The following OXSR1 variants were observed in gnomAD, a reference collection of about 807,000 sequenced individuals.
OXSR1 encodes the protein oxidative stress responsive kinase 1, also known as serine/threonine-protein kinase OSR1.
OXSR1 carries 24 observed loss-of-function variants against 79.8 expected under a neutral mutation model. The ratio of observed to expected loss-of-function variants is 0.30; its 90% CI spans 0.22 to 0.42. OXSR1 has a LOEUF of 0.42. OXSR1 is among the 10% of genes least tolerant of loss of function. The pLI is 1.00. For missense variants in OXSR1, 430 were observed against 618.4 expected (o/e 0.70, Z 3.23); for synonymous variants, 226 against 209.2 (o/e 1.08, Z -0.69).
At chr3:38,241,823 G>A (rs1225746564) in intron 11 of OXSR1, among the ~76,000 whole-genome samples, 3 of 148,764 alleles carry the variant, frequency 2.0e-5, no homozygotes, top group Non-Finnish European at 4.5e-5. Flanking sequence ...TTAAAAAAAA[G>A]GTTTTGGGTT....
chr3:38,213,446 G>A (rs1272306708), intron 4 of OXSR1, among the ~76,000 whole-genome samples: 1 of 152,076 alleles, frequency 6.6e-6, no homozygotes. Context: ...CAACCAAAAG[G>A]AGCCTAAGGA....
intron 10 of OXSR1, among the ~76,000 whole-genome samples, chr3:38,236,101 G>A (rs184376382): frequency 6.6e-6 from 1 of 152,316 alleles, no homozygotes; most frequent in African/African-American, 2.4e-5. Context: ...AGGGGAAATA[G>A]AAGTGGTAAT....
intron 2 of OXSR1, among the ~76,000 whole-genome samples, chr3:38,184,620 C>T (rs1163648969): frequency 6.6e-6 from 1 of 152,158 alleles, no homozygotes; most frequent in Non-Finnish European, 1.5e-5. Flanking sequence ...TTATTATTTA[C>T]TGCTTCATGA....
intron 1 of OXSR1, among the ~76,000 whole-genome samples, chr3:38,174,110 A>G (rs1190209509): frequency 6.6e-6 from 1 of 152,234 alleles, no homozygotes; most frequent in East Asian, 1.9e-4. Flanking sequence ...AGAGCAGAGT[A>G]AATCAGAAGG....
chr3:38,205,069 G>T (rs1488113929), intron 4 of OXSR1, among the ~76,000 whole-genome samples: 1 of 152,140 alleles, frequency 6.6e-6, no homozygotes, highest in Non-Finnish European at 1.5e-5. Context: ...CGTTCTGCCT[G>T]GTGTTGCGTT....
rs1436339250 is a variant in OXSR1 at position 38,254,386 on chromosome 3, C to G, written c.*1495C>G. 3.3e-5 allele frequency: 13 copies of G among 393,798 alleles called. No homozygotes were observed. Among genetic ancestry groups the G allele is most frequent in the Non-Finnish European group, 5.8e-5 (13 of 223,490 alleles). 24.4% of individuals were successfully genotyped at this position (393,798 alleles called of 1,614,324 possible). The stretch of plus-strand genomic sequence containing the variant: ...TAGTCATGGGCTTTCTTCACCTGCT[C>G]TAGGTGCAAAGGCATGTTGGGAAAG... On this transcript the variant is annotated 3_prime_UTR_variant, in exon 18 of 18. Transcript: ENST00000311806.
In OXSR1 at chr3:38,207,013, A is replaced by G. The variant is rs77306235; in HGVS notation, c.434+8150A>G. Among the ~76,000 whole-genome samples the G allele has an allele frequency of 1.1e-3, 174 of 152,364 alleles. 1 individual carries two copies. The highest frequency in any genetic ancestry group is 3.3e-3 in the African/African-American group (136 of 41,588). On this transcript the variant is annotated intron_variant, in intron 4 of 17. Transcript: ENST00000311806. ...CAATGCACTTAGAATAGTATTTAGC[A>G]CACAAGAATCAGTGAACGGTCATTG...
At chr3:38,230,693 T>G (rs1402508314) in intron 10 of OXSR1, 1 of 328,556 alleles carries the variant, frequency 3.0e-6, no homozygotes, top group Non-Finnish European at 5.7e-6. Context: ...GATAACTGTT[T>G]CCAGCTACCA....
chr3:38,168,782 G>T (rs1483828439), intron 1 of OXSR1, among the ~76,000 whole-genome samples: 2 of 152,084 alleles, frequency 1.3e-5, no homozygotes, highest in Admixed American at 6.5e-5. Flanking sequence ...GTGGTCCTTT[G>T]TGTTTGGCTT....
chr3:38,227,495 C>T (rs1702712866), intron 8 of OXSR1, among the ~76,000 whole-genome samples: 2 of 150,602 alleles, frequency 1.3e-5, no homozygotes, highest in Non-Finnish European at 1.5e-5. Context: ...GAAATATTAA[C>T]ATTTGGAGGG....
chr3:38,242,701 T>G, intron 11 of OXSR1, 42 bp from the exon 12 acceptor site: 5 of 1,314,782 alleles, frequency 3.8e-6, no homozygotes, highest in Non-Finnish European at 5.3e-6. Context: ...ACAAGTAACC[T>G]GAGTTGTGAG....
intron 10 of OXSR1, among the ~76,000 whole-genome samples, chr3:38,235,216 T>G (rs991237732): frequency 6.6e-6 from 1 of 152,188 alleles, no homozygotes; most frequent in Non-Finnish European, 1.5e-5. Context: ...ACTGTATACT[T>G]TGAGTGGTTC....
intron 10 of OXSR1, among the ~76,000 whole-genome samples, chr3:38,231,919 CA>C (rs1171103184): frequency 3.3e-5 from 5 of 152,012 alleles, no homozygotes; most frequent in Admixed American, 2.6e-4. Context: ...CCAGCCTGGC[CA>C]ACATGGTGAA....
At chr3:38,245,348 A>G (rs1703118079) in intron 12 of OXSR1, among the ~76,000 whole-genome samples, 2 of 152,164 alleles carry the variant, frequency 1.3e-5, no homozygotes, top group Non-Finnish European at 2.9e-5. Flanking sequence ...ATTAAAATTT[A>G]TGAACTATTT....
At chr3:38,195,414 T>A (rs1396098661) in intron 3 of OXSR1, among the ~76,000 whole-genome samples, 2 of 152,214 alleles carry the variant, frequency 1.3e-5, no homozygotes, top group Non-Finnish European at 2.9e-5. Flanking sequence ...CAGCTTTGGA[T>A]GTTCAAGCAA....
intron 1 of OXSR1, among the ~76,000 whole-genome samples, chr3:38,182,278 T>G (rs1701801204): frequency 6.6e-6 from 1 of 152,220 alleles, no homozygotes; most frequent in South Asian, 2.1e-4. Flanking sequence ...GGCTTGACAT[T>G]GCCGCACGTG....
At chr3:38,171,852 T>C (rs1002630363) in intron 1 of OXSR1, among the ~76,000 whole-genome samples, 1 of 152,224 alleles carries the variant, frequency 6.6e-6, no homozygotes, top group Non-Finnish European at 1.5e-5. Flanking sequence ...GTATTTGGCA[T>C]GTGTTGAAGC....
Position 38,199,079 on chromosome 3 carries a change from C to G in OXSR1, c.434+216C>G, listed in dbSNP as rs35725326. On this transcript the variant is annotated intron_variant, in intron 4 of 17. Transcript: ENST00000311806. ...ACAGGAAAAATTCATAATTTCGTAC[C>G]AAGAGGCAACTACTTGATAACATTT... Among the ~76,000 whole-genome samples, 5 of 152,220 alleles carry G rather than the reference C, an allele frequency of 3.3e-5. No individual in the cohort carries two copies. In the East Asian group the frequency reaches 9.6e-4, roughly 29 times the overall value.
intron 5 of OXSR1, among the ~76,000 whole-genome samples, chr3:38,219,347 A>G (rs1269840963): frequency 6.6e-6 from 1 of 152,042 alleles, no homozygotes; most frequent in East Asian, 1.9e-4. Context: ...AAAAGTAAAA[A>G]CTCTTCATAA....
Sources: gnomAD v4.1 joint callset for allele counts (sites outside exome capture counted in the v4.1 genomes callset) on GRCh38, gnomAD v4.1.1 for gene constraint, MANE v1.5 for transcripts, NCBI Gene and HGNC (gene_info 2026-07-23, HGNC 2026-07-21) for gene names.